The following DLC1 variants were observed in gnomAD, a reference collection of about 807,000 sequenced individuals.
The protein encoded by DLC1 is DLC1 Rho GTPase activating protein.
Under a neutral mutation model 140.3 loss-of-function variants are expected in DLC1, and 54 were observed. That is an observed-to-expected ratio of 0.38 (90% CI 0.31 to 0.48). The LOEUF (loss-of-function observed/expected upper bound fraction) is 0.48, where lower values mean the gene tolerates loss of function less well. Among genes scored for constraint, DLC1 ranks in the 20% least tolerant of loss-of-function variants. The pLI, the probability that DLC1 is intolerant of heterozygous loss-of-function variation, is 0.96. For missense variants in DLC1, 2,536 were observed against 1,907.0 expected, an observed-to-expected ratio of 1.33 and a Z score of -6.14; for synonymous variants, 986 against 728.1, an observed-to-expected ratio of 1.35 and a Z score of -5.70.
intron 5 of DLC1, among the ~76,000 whole-genome samples, chr8:13,143,686 C>G (rs956576033): frequency 6.6e-6 from 1 of 151,638 alleles, no homozygotes; most frequent in Admixed American, 6.6e-5. Flanking sequence ...TGCTGGGATT[C>G]CAGGCCTGAG....
chr8:13,135,271 C>A (rs916544156), intron 5 of DLC1, among the ~76,000 whole-genome samples: 1 of 147,822 alleles, frequency 6.8e-6, no homozygotes, highest in African/African-American at 2.5e-5. Flanking sequence ...GTGACACGAT[C>A]TCGGGTTCAC....
At chr8:13,097,808 G>C (rs1424331765) in intron 10 of DLC1, among the ~76,000 whole-genome samples, 1 of 152,028 alleles carries the variant, frequency 6.6e-6, no homozygotes, top group African/African-American at 2.4e-5. Flanking sequence ...GTCACTCAAA[G>C]AGCTGAAAAC....
rs148200601 is a variant in DLC1, at chr8:13,473,106, C to G, written c.1023+25943G>C. Among the ~76,000 whole-genome samples the G allele has an allele frequency of 3.4e-3, 511 of 152,248 alleles. 2 individuals are homozygous for G. The highest frequency in any genetic ancestry group is 0.011 in the African/African-American group (469 of 41,540). On this transcript the variant is annotated intron_variant, in intron 2 of 17. Coordinates refer to ENST00000276297, the MANE Select transcript of DLC1 (RefSeq NM_182643.3). ...TGCAGGTCAGGGGGTGATATGCAGA[C>G]TTGATGTGCAGGAAGAGACACCCAG...
At chr8:13,295,567 A>C (rs1831912225) in intron 5 of DLC1, among the ~76,000 whole-genome samples, 3 of 152,188 alleles carry the variant, frequency 2.0e-5, no homozygotes, top group Admixed American at 6.5e-5. Context: ...GATAAAACAC[A>C]TCTAAAAAAT....
At chr8:13,563,824 A>T (rs1363021853) in intron 1 of DLC1, among the ~76,000 whole-genome samples, 3 of 152,344 alleles carry the variant, frequency 2.0e-5, no homozygotes, top group Non-Finnish European at 1.5e-5. Flanking sequence ...TGTTAAACGA[A>T]TCAAATAATG....
Position 13,135,100 on chromosome 8 carries a change from G to A in DLC1, c.1349-19443C>T, listed in dbSNP as rs1822457133. ...AAGAGCCCACCGTCACCAGCAAGGG[G>A]GAGTGTGATTCAACGGGAGGCCAGG... On this transcript the variant is annotated intron_variant, in intron 5 of 17. Coordinates refer to ENST00000276297, the MANE Select transcript of DLC1 (RefSeq NM_182643.3). Among the ~76,000 whole-genome samples the A allele has an allele frequency of 2.0e-5, 3 of 152,286 alleles. No individual in the cohort carries two copies. In the South Asian group the frequency reaches 6.2e-4, roughly 32 times the overall value.
chr8:13,183,855 C>T (rs185173574), intron 5 of DLC1, among the ~76,000 whole-genome samples: 7,887 of 152,192 alleles, frequency 0.052, 233 homozygotes, highest in Non-Finnish European at 0.071. Flanking sequence ...AGGATTCCCT[C>T]TTTTCTATCG....
intron 5 of DLC1, among the ~76,000 whole-genome samples, chr8:13,190,499 T>A (rs944648475): frequency 6.6e-6 from 1 of 152,094 alleles, no homozygotes; most frequent in Non-Finnish European, 1.5e-5. Flanking sequence ...CCTTATAGGG[T>A]TTATGAAGGG....
chr8:13,583,526 C>T (rs1805191246), intron 1 of DLC1, among the ~76,000 whole-genome samples: 1 of 152,126 alleles, frequency 6.6e-6, no homozygotes, highest in South Asian at 2.1e-4. Context: ...TCTTAAACCC[C>T]TCAAAGTAAT....
chr8:13,230,024 C>G lies in DLC1; in HGVS notation c.1348+75245G>C, dbSNP rs139429207. 2.6e-5 allele frequency among the ~76,000 whole-genome samples: 4 copies of G among 152,322 alleles called. No homozygotes were observed. In the East Asian group the frequency reaches 7.7e-4, roughly 29 times the overall value. ...AGACACTACTGATGGAGGCTTTGATCTCTTCTGTGGTAGCTGCAGGCTCAT... is the reference window on the plus strand; with the variant it reads ...AGACACTACTGATGGAGGCTTTGATGTCTTCTGTGGTAGCTGCAGGCTCAT... On this transcript the variant is annotated intron_variant, in intron 5 of 17. Coordinates refer to ENST00000276297, the MANE Select transcript of DLC1 (RefSeq NM_182643.3).
intron 1 of DLC1, among the ~76,000 whole-genome samples, chr8:13,510,218 A>T (rs1270252079): frequency 1.4e-5 from 2 of 144,698 alleles, no homozygotes; most frequent in Admixed American, 7.1e-5. Flanking sequence ...CTTGTCGCCC[A>T]GTCTGGAGTG....
intron 2 of DLC1, among the ~76,000 whole-genome samples, chr8:13,475,069 T>C (rs1800380005): frequency 6.6e-6 from 1 of 151,922 alleles, no homozygotes; most frequent in Non-Finnish European, 1.5e-5. Flanking sequence ...CACTTCAGCC[T>C]CCCTAAGTGC....
intron 1 of DLC1, chr8:13,567,357 G>A (rs75484711): frequency 6.4e-7 from 1 of 1,551,670 alleles, no homozygotes; most frequent in Non-Finnish European, 8.7e-7. Context: ...TGAATGCCCT[G>A]CAGTCTTATT....
At chr8:13,544,029 G>A (rs955529858) in intron 1 of DLC1, among the ~76,000 whole-genome samples, 3 of 151,666 alleles carry the variant, frequency 2.0e-5, no homozygotes, top group South Asian at 4.2e-4. Context: ...AAATAAAAAT[G>A]AACAATTTGA....
intron 2 of DLC1, among the ~76,000 whole-genome samples, chr8:13,412,863 C>G (rs565640268): frequency 7.3e-6 from 1 of 137,638 alleles, no homozygotes; most frequent in East Asian, 2.4e-4. Flanking sequence ...ACCCAGGAGG[C>G]GGAGCTTGCA....
chr8:13,249,260 G>C (rs1015573355), intron 5 of DLC1, among the ~76,000 whole-genome samples: 3 of 152,084 alleles, frequency 2.0e-5, no homozygotes, highest in Admixed American at 1.3e-4. Context: ...TGTATTTTTA[G>C]TAGAGACGAG....
intron 4 of DLC1, among the ~76,000 whole-genome samples, chr8:13,387,094 T>TAAAAATTCCATGTAAAATAAAATA (rs1836557345): frequency 6.6e-6 from 1 of 152,078 alleles, no homozygotes; most frequent in Non-Finnish European, 1.5e-5. Flanking sequence ...AAACTTCCCT[T>TAAAAATTCCATGTAAAATAAAATA]AAAAATTCCA....
intron 1 of DLC1, among the ~76,000 whole-genome samples, chr8:13,603,496 T>A (rs1222395096): frequency 6.6e-6 from 1 of 151,944 alleles, no homozygotes; most frequent in Non-Finnish European, 1.5e-5. Context: ...AAGATTAATT[T>A]TGTGCCAATA....
rs1586102247 is a variant in DLC1 at position 13,305,164 on chromosome 8, T to G, written c.1348+105A>C. The G allele has an allele frequency of 4.8e-6, 7 of 1,470,674 alleles. No homozygotes were observed. In the East Asian group the frequency reaches 1.8e-4, roughly 37 times the overall value. 91.1% of individuals were successfully genotyped at this position (1,470,674 alleles called of 1,614,324 possible). A position where few individuals can be genotyped will look rare whatever the true frequency, so the allele number is the denominator to read the frequency against. Reference sequence around the variant, plus strand: ...AATTTAAACAACATTTTCCCATATATTCATGAGATGTATACATTTTATATA... The same window carrying G: ...AATTTAAACAACATTTTCCCATATAGTCATGAGATGTATACATTTTATATA... On this transcript the variant is annotated intron_variant, in intron 5 of 17. Transcript: ENST00000276297.
Sources: allele counts gnomAD v4.1 joint callset (sites outside exome capture counted in the v4.1 genomes callset), GRCh38; gene constraint gnomAD v4.1.1; transcripts MANE v1.5; gene names NCBI Gene and HGNC (gene_info 2026-07-23, HGNC 2026-07-21).